Variants in CAMTA1 observed in about 807,000 individuals in gnomAD.
The protein encoded by CAMTA1 is calmodulin-binding transcription activator 1.
CAMTA1 carries 27 observed loss-of-function variants against 170.9 expected under a neutral mutation model. The observed-to-expected ratio is 0.16, with a 90% confidence interval of 0.12 to 0.22. The LOEUF is 0.22. Among genes scored for constraint, CAMTA1 ranks in the 10% least tolerant of loss-of-function variants. The pLI is 1.00. For synonymous variants in CAMTA1, 833 were observed against 891.5 expected (o/e 0.93, Z 1.17); for missense variants, 1,619 against 2,217.2 (o/e 0.73, Z 5.42).
rs538953338 is a variant in CAMTA1 at position 7,573,338 on chromosome 1, G to A, written c.511-67062G>A. ...TTCCCATTTTAGGGTCAAAGAAACTGAGGCTTTGGAGAGTGAACTGCTGGT... is the reference window on the plus strand; with the variant it reads ...TTCCCATTTTAGGGTCAAAGAAACTAAGGCTTTGGAGAGTGAACTGCTGGT... On this transcript the variant is annotated intron_variant, in intron 6 of 22. Coordinates refer to ENST00000303635, the MANE Select transcript of CAMTA1 (RefSeq NM_015215.4). 2.6e-5 allele frequency among the ~76,000 whole-genome samples: 4 copies of A among 152,192 alleles called. No individual in the cohort carries two copies. The South Asian group carries it at 8.3e-4, about 32-fold the overall frequency.
intron 3 of CAMTA1, among the ~76,000 whole-genome samples, chr1:7,026,356 G>A (rs1183751992): frequency 1.3e-5 from 2 of 152,092 alleles, no homozygotes; most frequent in African/African-American, 4.8e-5. Flanking sequence ...TCCAGGGGGG[G>A]AGTCATCCGT....
chr1:7,692,679 T>C (rs2096330661), intron 11 of CAMTA1, among the ~76,000 whole-genome samples: 1 of 152,152 alleles, frequency 6.6e-6, no homozygotes, highest in African/African-American at 2.4e-5. Flanking sequence ...ATCATGGCCC[T>C]GTTGAAGCCT....
chr1:7,497,981 A>T (rs2093858509), intron 6 of CAMTA1, among the ~76,000 whole-genome samples: 1 of 152,028 alleles, frequency 6.6e-6, no homozygotes, highest in African/African-American at 2.4e-5. Flanking sequence ...CGAGGCCCTC[A>T]GTGCTCCCTG....
intron 6 of CAMTA1, among the ~76,000 whole-genome samples, chr1:7,505,680 C>T (rs974184978): frequency 6.6e-6 from 1 of 152,168 alleles, no homozygotes; most frequent in Non-Finnish European, 1.5e-5. Context: ...TGAGGCAGCA[C>T]ATTTGGGTCT....
chr1:7,379,436 G>A (rs916072596), intron 5 of CAMTA1, among the ~76,000 whole-genome samples: 2 of 152,158 alleles, frequency 1.3e-5, no homozygotes, highest in Non-Finnish European at 2.9e-5. Flanking sequence ...GTGAGGGATC[G>A]TTATCTGCAG....
At chr1:6,973,143 C>A (rs942851328) in intron 3 of CAMTA1, among the ~76,000 whole-genome samples, 1 of 152,324 alleles carries the variant, frequency 6.6e-6, no homozygotes, top group East Asian at 1.9e-4. Context: ...TGAGCCACCA[C>A]GCCTAGCCGT....
At chr1:7,640,982 T>C (rs1465908804) in intron 7 of CAMTA1, among the ~76,000 whole-genome samples, 1 of 152,202 alleles carries the variant, frequency 6.6e-6, no homozygotes, top group Non-Finnish European at 1.5e-5. Flanking sequence ...CACCACCTCC[T>C]GGACTCAGGG....
At chr1:7,211,532 C>T (rs1248991963) in intron 4 of CAMTA1, among the ~76,000 whole-genome samples, 2 of 152,208 alleles carry the variant, frequency 1.3e-5, no homozygotes, top group East Asian at 3.8e-4. Context: ...GATGATTTCA[C>T]TCATTATTGT....
At chr1:7,332,337 A>C (rs1004703493) in intron 5 of CAMTA1, among the ~76,000 whole-genome samples, 1 of 152,184 alleles carries the variant, frequency 6.6e-6, no homozygotes, top group African/African-American at 2.4e-5. Context: ...TCGGTAAACA[A>C]AAAAAATGGC....
intron 3 of CAMTA1, among the ~76,000 whole-genome samples, chr1:6,826,867 T>G (rs1041326240): frequency 1.3e-5 from 2 of 152,246 alleles, no homozygotes; most frequent in African/African-American, 2.4e-5. Context: ...GTTGGTAGAT[T>G]ATTTCCATCA....
intron 3 of CAMTA1, among the ~76,000 whole-genome samples, chr1:7,024,314 G>T (rs1701771156): frequency 6.6e-6 from 1 of 152,184 alleles, no homozygotes; most frequent in Non-Finnish European, 1.5e-5. Context: ...AAATCCATGT[G>T]TGGGCACATC....
chr1:7,442,499 A>G (rs983773042), intron 5 of CAMTA1, among the ~76,000 whole-genome samples: 1 of 152,200 alleles, frequency 6.6e-6, no homozygotes. Context: ...GCCCGGTTGT[A>G]TTCATGGAGG....
At chr1:7,157,270 G>T (rs542567622) in intron 4 of CAMTA1, among the ~76,000 whole-genome samples, 1 of 150,152 alleles carries the variant, frequency 6.7e-6, no homozygotes, top group South Asian at 2.1e-4. Flanking sequence ...GCGTGAACCC[G>T]GGAGGCAGAG....
chr1:7,255,503 C>T (rs1259010132), intron 5 of CAMTA1, among the ~76,000 whole-genome samples: 3 of 152,082 alleles, frequency 2.0e-5, no homozygotes, highest in African/African-American at 4.8e-5. Context: ...TTCTCCCCCG[C>T]CCCGCCCCAA....
chr1:6,869,236 C>T (rs994374196), intron 3 of CAMTA1, among the ~76,000 whole-genome samples: 4 of 152,236 alleles, frequency 2.6e-5, no homozygotes, highest in Non-Finnish European at 4.4e-5. Context: ...CTGCTGCTGG[C>T]GCCTGGGAGT....
chr1:7,597,321 T>A (rs1411548697), intron 6 of CAMTA1, among the ~76,000 whole-genome samples: 1 of 152,202 alleles, frequency 6.6e-6, no homozygotes, highest in Non-Finnish European at 1.5e-5. Flanking sequence ...GCCTGTGATG[T>A]TCACTCAGTG....
chr1:6,946,521 A>G (rs1687604611), intron 3 of CAMTA1, among the ~76,000 whole-genome samples: 1 of 152,092 alleles, frequency 6.6e-6, no homozygotes, highest in African/African-American at 2.4e-5. Flanking sequence ...TAGCCATCCT[A>G]CTGGGTATGA....
intron 3 of CAMTA1, among the ~76,000 whole-genome samples, chr1:7,056,192 G>A (rs1031750732): frequency 6.6e-6 from 1 of 152,172 alleles, no homozygotes; most frequent in Non-Finnish European, 1.5e-5. Flanking sequence ...GGTGATGTGG[G>A]TTACACAGCT....
At chr1:6,968,993 T>C (rs1347265968) in intron 3 of CAMTA1, among the ~76,000 whole-genome samples, 1 of 151,934 alleles carries the variant, frequency 6.6e-6, no homozygotes, top group Admixed American at 6.6e-5. Flanking sequence ...TCTTGCCAAG[T>C]TGAGGGACAT....
Sources: gnomAD v4.1 joint callset for allele counts (sites outside exome capture counted in the v4.1 genomes callset) on GRCh38, gnomAD v4.1.1 for gene constraint, MANE v1.5 for transcripts, NCBI Gene and HGNC (gene_info 2026-07-23, HGNC 2026-07-21) for gene names.